KCNH1: variants seen among roughly 807,000 people sequenced by gnomAD.
The protein encoded by KCNH1 is voltage-gated delayed rectifier potassium channel KCNH1.
A neutral mutation model predicts 69.2 loss-of-function variants in KCNH1; 27 were observed. The observed-to-expected ratio is 0.39, with a 90% CI of 0.29 to 0.54. The LOEUF (loss-of-function observed/expected upper bound fraction) is 0.54. KCNH1 is among the 20% of genes least tolerant of loss of function. The pLI, the probability that KCNH1 is intolerant of heterozygous loss-of-function variation, is 0.68. For synonymous variants in KCNH1, 456 were observed against 487.7 expected, an observed-to-expected ratio of 0.93 and a Z score of 0.86; for missense variants, 798 against 1,261.6, an observed-to-expected ratio of 0.63 and a Z score of 5.57.
chr1:210,965,652 A>G (rs1268468628), intron 6 of KCNH1, among the ~76,000 whole-genome samples: 1 of 152,186 alleles, frequency 6.6e-6, no homozygotes, highest in Admixed American at 6.6e-5. Flanking sequence ...AGAGAGTGAA[A>G]TACCTAGCAA....
rs1275478251 is a variant in KCNH1, at chr1:211,107,334, A to C, written c.123T>G (p.Pro41=). 6.2e-7 allele frequency: 1 copy of C among 1,613,574 alleles called. No homozygotes were observed. The stretch of plus-strand genomic sequence containing the variant: ...AAAATCCATCATTGCTGTACACAAT[A>C]GGCCAGTCCACTATCTGAGCATTCC... ...VLGNAQIVDW[P]IVYSNDGFCK... Residue 41 remains proline (P), a synonymous_variant, in exon 2 of 11, where the codon CCT becomes CCG. Transcript: ENST00000271751.
intron 3 of KCNH1, among the ~76,000 whole-genome samples, chr1:211,095,721 G>C (rs781238037): frequency 6.6e-6 from 1 of 152,170 alleles, no homozygotes; most frequent in Non-Finnish European, 1.5e-5. Flanking sequence ...ACCTCTAACA[G>C]GTCCAGAAAC....
At chr1:210,979,624 A>T (rs1688675193) in intron 6 of KCNH1, among the ~76,000 whole-genome samples, 1 of 152,148 alleles carries the variant, frequency 6.6e-6, no homozygotes, top group Non-Finnish European at 1.5e-5. Context: ...TAATAAACTC[A>T]ATTATTTTTC....
intron 10 of KCNH1, among the ~76,000 whole-genome samples, chr1:210,731,281 A>T (rs897392870): frequency 3.9e-5 from 6 of 152,184 alleles, no homozygotes; most frequent in Non-Finnish European, 8.8e-5. Flanking sequence ...ACTTGGAGTT[A>T]AAAAATGCTA....
At chr1:210,997,800 T>A (rs1689081541) in intron 6 of KCNH1, among the ~76,000 whole-genome samples, 1 of 152,188 alleles carries the variant, frequency 6.6e-6, no homozygotes, top group Non-Finnish European at 1.5e-5. Context: ...CCCATCAGAC[T>A]AACAGCTGAT....
chr1:210,779,265 T>G (rs1683926836), intron 9 of KCNH1, among the ~76,000 whole-genome samples: 1 of 152,252 alleles, frequency 6.6e-6, no homozygotes, highest in Non-Finnish European at 1.5e-5. Context: ...CTTTACTTCC[T>G]GTCAAGGCAG....
intron 5 of KCNH1, among the ~76,000 whole-genome samples, chr1:211,049,079 T>C (rs993526798): frequency 6.6e-6 from 1 of 152,094 alleles, no homozygotes; most frequent in African/African-American, 2.4e-5. Context: ...ATCAGTTCTA[T>C]AAAACCTGGA....
chr1:210,806,816 A>T (rs1443286839), intron 7 of KCNH1, among the ~76,000 whole-genome samples: 21,306 of 38,304 alleles, frequency 0.56, 4,346 homozygotes, highest in South Asian at 0.62. Flanking sequence ...CCAAAAAAAA[A>T]AAAAAAAAAA....
chr1:210,812,426 T>G (rs548246991), intron 7 of KCNH1, among the ~76,000 whole-genome samples: 1 of 152,308 alleles, frequency 6.6e-6, no homozygotes, highest in East Asian at 1.9e-4. Flanking sequence ...CTTTCCAATC[T>G]CTGCTTTTAA....
intron 9 of KCNH1, among the ~76,000 whole-genome samples, chr1:210,789,607 T>C (rs546565466): frequency 1.3e-5 from 2 of 152,346 alleles, no homozygotes; most frequent in South Asian, 4.1e-4. Context: ...AATACCCCTT[T>C]GAAAATTAAA....
At chr1:210,720,421 G>A (rs1324726599) in intron 10 of KCNH1, among the ~76,000 whole-genome samples, 1 of 152,074 alleles carries the variant, frequency 6.6e-6, no homozygotes, top group Non-Finnish European at 1.5e-5. Flanking sequence ...CCTTCTTATG[G>A]CAATGATATA....
At chr1:210,980,860 C>T (rs1279305803) in intron 6 of KCNH1, among the ~76,000 whole-genome samples, 1 of 151,798 alleles carries the variant, frequency 6.6e-6, no homozygotes, top group East Asian at 1.9e-4. Flanking sequence ...TATATACATA[C>T]ATATGATAAA....
At chr1:211,037,848 G>A (rs1689925623) in intron 5 of KCNH1, among the ~76,000 whole-genome samples, 1 of 152,102 alleles carries the variant, frequency 6.6e-6, no homozygotes, top group Non-Finnish European at 1.5e-5. Flanking sequence ...AGACCCAAAG[G>A]AAGGTAAGTG....
chr1:210,848,048 C>A (rs1277621508), intron 7 of KCNH1, among the ~76,000 whole-genome samples: 1 of 152,092 alleles, frequency 6.6e-6, no homozygotes, highest in African/African-American at 2.4e-5. Flanking sequence ...TAATGTCCAT[C>A]TATGTGGTGA....
intron 9 of KCNH1, among the ~76,000 whole-genome samples, chr1:210,780,829 C>T (rs186555290): frequency 7.9e-4 from 120 of 152,230 alleles, no homozygotes; most frequent in African/African-American, 2.4e-3. Context: ...GGGCAGATCA[C>T]GAGGTCAGGA....
At chr1:211,129,922 C>T (rs1362626168) in intron 1 of KCNH1, among the ~76,000 whole-genome samples, 1 of 152,194 alleles carries the variant, frequency 6.6e-6, no homozygotes, top group Admixed American at 6.5e-5. Flanking sequence ...TTACTGGCAC[C>T]TACAATTGTT....
intron 7 of KCNH1, among the ~76,000 whole-genome samples, chr1:210,839,725 T>A (rs1373972562): frequency 6.6e-6 from 1 of 152,202 alleles, no homozygotes; most frequent in East Asian, 1.9e-4. Flanking sequence ...ATATCAAATG[T>A]GACTCTAGTT....
At chr1:210,859,608 A>T in intron 7 of KCNH1, 1 of 1,421,720 alleles carries the variant, frequency 7.0e-7, no homozygotes, top group African/African-American at 1.4e-5. Flanking sequence ...TTTCATCATC[A>T]TATTCAGCTT....
intron 1 of KCNH1, chr1:211,132,538 T>C (rs1228684432): frequency 6.6e-6 from 1 of 152,186 alleles, no homozygotes. Flanking sequence ...TACGTGATTA[T>C]TTGCTATGCT....
Sources: allele counts gnomAD v4.1 joint callset (sites outside exome capture counted in the v4.1 genomes callset), GRCh38; gene constraint gnomAD v4.1.1; transcripts MANE v1.5; gene names NCBI Gene and HGNC (gene_info 2026-07-23, HGNC 2026-07-21).